MAST2: variants seen among roughly 807,000 people sequenced by gnomAD.
MAST2 encodes microtubule-associated serine/threonine-protein kinase 2.
MAST2 carries 70 observed loss-of-function variants against 147.4 expected under a neutral mutation model. The observed-to-expected ratio is 0.47, with a 90% CI of 0.39 to 0.58. The LOEUF is 0.58. Ranked by LOEUF, MAST2 falls within the 20% of genes least tolerant of loss-of-function variation. MAST2 has a pLI of 0.00. For synonymous variants in MAST2, 869 were observed against 896.8 expected (o/e 0.97, Z 0.55); for missense variants, 2,080 against 2,302.3 (o/e 0.90, Z 1.98).
chr1:45,858,530 T>G (rs942753509), intron 3 of MAST2, among the ~76,000 whole-genome samples: 11 of 150,052 alleles, frequency 7.3e-5, no homozygotes, highest in African/African-American at 2.5e-4. Context: ...GTCAGATGAG[T>G]AGATTGCAAA....
chr1:45,971,498 C>T (rs946739271), intron 5 of MAST2, among the ~76,000 whole-genome samples: 2 of 152,170 alleles, frequency 1.3e-5, no homozygotes, highest in African/African-American at 4.8e-5. Flanking sequence ...TGGGGCAGAG[C>T]AACCCACATA....
intron 6 of MAST2, 106 bp from the exon 7 acceptor site, chr1:46,002,698 GC>G: frequency 1.2e-6 from 1 of 867,602 alleles, no homozygotes; most frequent in Non-Finnish European, 2.0e-6. Flanking sequence ...TTAAGGAGGA[GC>G]CCTACAGTGA....
At chr1:45,924,893 C>A (rs1654116936) in intron 4 of MAST2, among the ~76,000 whole-genome samples, 1 of 152,134 alleles carries the variant, frequency 6.6e-6, no homozygotes, top group Non-Finnish European at 1.5e-5. Flanking sequence ...ATTTAGAATC[C>A]AAGGAATGAG....
intron 10 of MAST2, among the ~76,000 whole-genome samples, chr1:46,014,629 C>T (rs1311827864): frequency 1.3e-5 from 2 of 151,880 alleles, no homozygotes; most frequent in African/African-American, 2.4e-5. Context: ...AGCTAACTAT[C>T]CTAAATATAT....
chr1:45,821,911 C>T (rs1644646298), intron 1 of MAST2, among the ~76,000 whole-genome samples: 1 of 84,698 alleles, frequency 1.2e-5, no homozygotes, highest in African/African-American at 5.3e-5. Flanking sequence ...TTTTTGGTGA[C>T]AGAGTGTTGC....
At chr1:45,908,509 C>T (rs1651146440) in intron 4 of MAST2, among the ~76,000 whole-genome samples, 1 of 152,052 alleles carries the variant, frequency 6.6e-6, no homozygotes. Flanking sequence ...AAAATATTTT[C>T]TAATTTTCTT....
chr1:45,998,257 G>T (rs1046335179), intron 6 of MAST2, among the ~76,000 whole-genome samples: 1 of 152,066 alleles, frequency 6.6e-6, no homozygotes, highest in African/African-American at 2.4e-5. Flanking sequence ...CTCTCTCCTT[G>T]ACTTTGAGCT....
intron 6 of MAST2, among the ~76,000 whole-genome samples, chr1:46,000,293 G>A (rs1314867431): frequency 1.3e-5 from 2 of 152,158 alleles, no homozygotes; most frequent in Non-Finnish European, 2.9e-5. Flanking sequence ...CAGCCTGGGC[G>A]ACAGAGCAAG....
chr1:45,975,679 A>G (rs2149021192), intron 5 of MAST2, among the ~76,000 whole-genome samples: 1 of 151,014 alleles, frequency 6.6e-6, no homozygotes, highest in Non-Finnish European at 1.5e-5. Flanking sequence ...TCTGTCTCAA[A>G]AAAAAAAAAA....
chr1:45,836,522 C>T (rs538745418), intron 3 of MAST2, among the ~76,000 whole-genome samples: 7 of 152,126 alleles, frequency 4.6e-5, no homozygotes, highest in Non-Finnish European at 8.8e-5. Flanking sequence ...TTAATTTTCA[C>T]GAGTTCAAAG....
chr1:45,995,604 A>C (rs576410555), intron 5 of MAST2, among the ~76,000 whole-genome samples: 1 of 152,220 alleles, frequency 6.6e-6, no homozygotes, highest in South Asian at 2.1e-4. Flanking sequence ...TTGTTTTTAG[A>C]CATGGGGTGT....
chr1:45,910,147 G>A (rs1247238828), intron 4 of MAST2, among the ~76,000 whole-genome samples: 1 of 145,042 alleles, frequency 6.9e-6, no homozygotes, highest in Non-Finnish European at 1.5e-5. Flanking sequence ...AAGCAGACTA[G>A]CTTATTTGTA....
At chr1:45,966,987 C>G (rs1195442006) in intron 5 of MAST2, among the ~76,000 whole-genome samples, 1 of 149,322 alleles carries the variant, frequency 6.7e-6, no homozygotes, top group Non-Finnish European at 1.5e-5. Flanking sequence ...CTATTCTAAT[C>G]TATGCGTAGT....
Position 46,034,276 on chromosome 1 carries a change from G to A in MAST2, c.3868+10G>A, listed in dbSNP as rs962889290. 1.2e-6 allele frequency: 2 copies of A among 1,607,074 alleles called. No homozygotes were observed. The highest frequency in any genetic ancestry group is 1.3e-5 in the African/African-American group (1 of 74,896). On this transcript the variant is annotated intron_variant, in intron 28 of 28. Coordinates refer to ENST00000361297, the MANE Select transcript of MAST2 (RefSeq NM_015112.3). ...GATGCTGTGCATTCAGGTACGAAGG[G>A]CTCCCTGCAGATCAGTGACAACCCC...
In MAST2 at chr1:46,023,207, C is replaced by G. The variant is rs373117401; in HGVS notation, c.1486-26C>G. 44 of 1,599,246 alleles carry G rather than the reference C, an allele frequency of 2.8e-5. No individual in the cohort carries two copies. The African/African-American group carries it at 5.6e-4, about 20-fold the overall frequency. ...TATGGGCTCTGAGAAGCATGCCTGTCTCCTGCCTTTTCCCTTGTCTTCCAG... is the reference window on the plus strand; with the variant it reads ...TATGGGCTCTGAGAAGCATGCCTGTGTCCTGCCTTTTCCCTTGTCTTCCAG... On this transcript the variant is annotated intron_variant, in intron 13 of 28. Transcript: ENST00000361297. This position sits in a 1 kb window ranked among gnomAD's most constrained non-coding sequence, Gnocchi z 4.9.
chr1:45,971,879 A>G (rs1643925846), intron 5 of MAST2, among the ~76,000 whole-genome samples: 1 of 152,194 alleles, frequency 6.6e-6, no homozygotes. Flanking sequence ...TAAACTGTAT[A>G]AATTTTTAGG....
At chr1:45,931,394 T>TTTA (rs1655283807) in intron 4 of MAST2, among the ~76,000 whole-genome samples, 1 of 149,136 alleles carries the variant, frequency 6.7e-6, no homozygotes, top group Non-Finnish European at 1.5e-5. Context: ...TTTTTTTTTT[T>TTTA]TTTTTGAGAT....
intron 5 of MAST2, 149 bp downstream of exon 5, chr1:45,959,626 C>A (rs941554388): frequency 3.1e-6 from 2 of 650,578 alleles, no homozygotes; most frequent in East Asian, 2.8e-5. Context: ...GGCTTGCTTT[C>A]TGTACGAGAA....
intron 4 of MAST2, among the ~76,000 whole-genome samples, chr1:45,887,611 G>T (rs893187948): frequency 6.6e-6 from 1 of 152,164 alleles, no homozygotes; most frequent in South Asian, 2.1e-4. Flanking sequence ...CTATGAAACT[G>T]ACAGTGTCAT....
Sources: allele counts gnomAD v4.1 joint callset (sites outside exome capture counted in the v4.1 genomes callset), GRCh38; gene constraint gnomAD v4.1.1; non-coding constraint Gnocchi (gnomAD v3.1); transcripts MANE v1.5; gene names NCBI Gene and HGNC (gene_info 2026-07-23, HGNC 2026-07-21).